CADM2: variants seen among roughly 807,000 people sequenced by gnomAD.
CADM2 encodes the protein cell adhesion molecule 2, also known as immunoglobulin superfamily member 4D.
CADM2 carries 12 observed loss-of-function variants against 49.8 expected under a neutral mutation model. The ratio of observed to expected loss-of-function variants is 0.24; its 90% CI spans 0.15 to 0.39. The LOEUF (loss-of-function observed/expected upper bound fraction) is 0.39. Among genes scored for constraint, CADM2 ranks in the 10% least tolerant of loss-of-function variants. The pLI is 1.00. For missense variants in CADM2, 378 were observed against 492.3 expected (o/e 0.77, Z 2.20); for synonymous variants, 214 against 175.4 (o/e 1.22, Z -1.74).
chr3:85,047,984 A>C (rs528835837), intron 1 of CADM2, among the ~76,000 whole-genome samples: 1 of 152,128 alleles, frequency 6.6e-6, no homozygotes, highest in South Asian at 2.1e-4. Context: ...TAATTAATGT[A>C]TATCTACTAT....
At chr3:85,376,713 T>C (rs933057635) in intron 1 of CADM2, among the ~76,000 whole-genome samples, 1 of 152,052 alleles carries the variant, frequency 6.6e-6, no homozygotes, top group Non-Finnish European at 1.5e-5. Context: ...TGTTTGGCTA[T>C]CCCATTTTAA....
chr3:85,311,945 A>G (rs2044355120), intron 1 of CADM2, among the ~76,000 whole-genome samples: 1 of 152,234 alleles, frequency 6.6e-6, no homozygotes, highest in African/African-American at 2.4e-5. Context: ...GTGGTATAGC[A>G]TATTAGGCAA....
intron 1 of CADM2, among the ~76,000 whole-genome samples, chr3:85,348,577 A>G (rs890982414): frequency 6.6e-6 from 1 of 152,194 alleles, no homozygotes; most frequent in African/African-American, 2.4e-5. Flanking sequence ...TTAGAAAAAC[A>G]ATGGCATAAC....
At chr3:85,551,414 G>A (rs1471016628) in intron 1 of CADM2, among the ~76,000 whole-genome samples, 1 of 152,012 alleles carries the variant, frequency 6.6e-6, no homozygotes, top group Non-Finnish European at 1.5e-5. Flanking sequence ...GATTAATACT[G>A]CCCATCTATC....
At chr3:85,323,012 G>A (rs1379772460) in intron 1 of CADM2, among the ~76,000 whole-genome samples, 2 of 152,144 alleles carry the variant, frequency 1.3e-5, no homozygotes, top group Non-Finnish European at 2.9e-5. Flanking sequence ...GTTTGTCCAT[G>A]TCCATGGATA....
At chr3:85,497,368 T>C (rs565311280) in intron 1 of CADM2, among the ~76,000 whole-genome samples, 2 of 152,232 alleles carry the variant, frequency 1.3e-5, no homozygotes, top group African/African-American at 4.8e-5. Flanking sequence ...ACTTTAAGCC[T>C]ATAGGCGTCA....
chr3:85,317,848 A>G (rs756546072), intron 1 of CADM2, among the ~76,000 whole-genome samples: 3 of 152,244 alleles, frequency 2.0e-5, no homozygotes, highest in African/African-American at 7.2e-5. Context: ...TTAGCATAGC[A>G]TGAATATTTG....
At chr3:85,576,204 A>G (rs1559921238) in intron 1 of CADM2, among the ~76,000 whole-genome samples, 1 of 152,192 alleles carries the variant, frequency 6.6e-6, no homozygotes, top group East Asian at 1.9e-4. Context: ...ATAAAAAGTT[A>G]TTTTCTTAGA....
intron 1 of CADM2, among the ~76,000 whole-genome samples, chr3:85,514,228 C>G (rs971118862): frequency 6.6e-6 from 1 of 152,024 alleles, no homozygotes; most frequent in Non-Finnish European, 1.5e-5. Flanking sequence ...AAACCTGCCA[C>G]ATTACACAAA....
chr3:85,728,652 G>A (rs1305132330), intron 2 of CADM2, among the ~76,000 whole-genome samples: 1 of 152,080 alleles, frequency 6.6e-6, no homozygotes, highest in African/African-American at 2.4e-5. Context: ...CCAGGGAACC[G>A]AGAGAAATTT....
intron 8 of CADM2, chr3:86,013,993 A>C: frequency 6.9e-7 from 1 of 1,451,982 alleles, no homozygotes; most frequent in South Asian, 1.3e-5. Context: ...GGAACAATTG[A>C]AGAAGTTTGT....
At chr3:85,012,428 G>GT (rs2034043157) in intron 1 of CADM2, among the ~76,000 whole-genome samples, 1 of 146,854 alleles carries the variant, frequency 6.8e-6, no homozygotes, top group Admixed American at 6.9e-5. Context: ...ATTTTTTTCA[G>GT]CCCCTTAAGA....
intron 4 of CADM2, among the ~76,000 whole-genome samples, chr3:85,885,773 A>G (rs1162315523): frequency 1.4e-5 from 2 of 147,190 alleles, no homozygotes; most frequent in Non-Finnish European, 3.0e-5. Context: ...AATCACTTGA[A>G]CTTGGGAGGC....
At chr3:85,021,604 G>A (rs555309853) in intron 1 of CADM2, among the ~76,000 whole-genome samples, 2 of 152,038 alleles carry the variant, frequency 1.3e-5, no homozygotes, top group African/African-American at 4.8e-5. Context: ...GTGAAAGCCC[G>A]TCTCTACTAA....
intron 8 of CADM2, among the ~76,000 whole-genome samples, chr3:86,029,318 T>C (rs1012937333): frequency 6.6e-6 from 1 of 152,020 alleles, no homozygotes; most frequent in Admixed American, 6.6e-5. Flanking sequence ...ATTTAGGAGA[T>C]GATTACTCAA....
At chr3:85,554,589 TA>T (rs1436923919) in intron 1 of CADM2, among the ~76,000 whole-genome samples, 3 of 152,230 alleles carry the variant, frequency 2.0e-5, no homozygotes, top group Non-Finnish European at 2.9e-5. Flanking sequence ...ATACCACTGC[TA>T]AAATGTGCAT....
chr3:86,003,069 A>G (rs937474983), intron 8 of CADM2, among the ~76,000 whole-genome samples: 17 of 152,200 alleles, frequency 1.1e-4, no homozygotes, highest in Non-Finnish European at 5.9e-5. Context: ...GTGAACAACT[A>G]TAGAAAACAG....
At chr3:85,457,955 GT>G (rs1317111578) in intron 1 of CADM2, among the ~76,000 whole-genome samples, 1 of 148,604 alleles carries the variant, frequency 6.7e-6, no homozygotes, top group African/African-American at 2.4e-5. Flanking sequence ...TTATGATTAG[GT>G]TTTTTGGGCT....
chr3:85,297,325 G>C (rs1421764430), intron 1 of CADM2, among the ~76,000 whole-genome samples: 1 of 152,018 alleles, frequency 6.6e-6, no homozygotes, highest in Non-Finnish European at 1.5e-5. Context: ...GCATTTGAAG[G>C]GTAGAGTGAA....
Sources: gnomAD v4.1 joint callset for allele counts (sites outside exome capture counted in the v4.1 genomes callset) on GRCh38, gnomAD v4.1.1 for gene constraint, MANE v1.5 for transcripts, NCBI Gene and HGNC (gene_info 2026-07-23, HGNC 2026-07-21) for gene names.